The following TEX14 variants were observed in gnomAD, a reference collection of about 807,000 sequenced individuals.
TEX14 encodes testis expressed 14, intercellular bridge forming factor, also known as inactive serine/threonine-protein kinase TEX14.
In TEX14, 168 loss-of-function variants were observed where a neutral mutation model predicts 178.6. That is an observed-to-expected ratio of 0.94 (90% CI 0.83 to 1.07). The LOEUF (loss-of-function observed/expected upper bound fraction) is 1.07, where lower values mean the gene tolerates loss of function less well. TEX14 is among the 50% of genes least tolerant of loss of function. The pLI is 0.00. For missense variants in TEX14, 1,730 were observed against 1,753.6 expected (o/e 0.99, Z 0.24); for synonymous variants, 626 against 634.1 (o/e 0.99, Z 0.19).
At chr17:58,576,427 T>G (rs151022592) in intron 21 of TEX14, among the ~76,000 whole-genome samples, 5 of 151,354 alleles carry the variant, frequency 3.3e-5, no homozygotes, top group African/African-American at 1.2e-4. Flanking sequence ...GAGGTTGCAG[T>G]GAGCTGAGAT....
chr17:58,586,438 T>C (rs1338094142), intron 17 of TEX14, among the ~76,000 whole-genome samples: 1 of 152,222 alleles, frequency 6.6e-6, no homozygotes, highest in Non-Finnish European at 1.5e-5. Context: ...TCTATTTGAG[T>C]TTGTCTAGTC....
Position 58,565,802 on chromosome 17 carries a change from G to A in TEX14, c.3909C>T (p.Gly1303=). ...DDIELLKQQQ[G]SSTVLHENTA... ...TGTTCTCATGCAACACCGTGGATGA[G>A]CCCTGCTGCTGTTTCAAGAGCTCTG... Residue 1303 remains glycine (G), a synonymous_variant, in exon 27 of 32, where the codon GGC becomes GGT. Coordinates refer to ENST00000349033, the MANE Select transcript of TEX14 (RefSeq NM_031272.5). 11 of 1,608,272 alleles carry A rather than the reference G, an allele frequency of 6.8e-6. No individual in the cohort carries two copies. The highest frequency in any genetic ancestry group is 8.5e-6 in the Non-Finnish European group (10 of 1,177,640).
chr17:58,678,732 G>A (rs1196320686), intron 1 of TEX14, among the ~76,000 whole-genome samples: 1 of 151,604 alleles, frequency 6.6e-6, no homozygotes, highest in African/African-American at 2.4e-5. Flanking sequence ...TAAATGACGA[G>A]TTAATGGGTG....
chr17:58,659,628 T>C (rs2047065520), intron 1 of TEX14, among the ~76,000 whole-genome samples: 1 of 152,196 alleles, frequency 6.6e-6, no homozygotes, highest in South Asian at 2.1e-4. Flanking sequence ...AGAAATCGCA[T>C]TGTGTGATAA....
chr17:58,680,021 G>A (rs776296908), intron 1 of TEX14, among the ~76,000 whole-genome samples: 4 of 152,046 alleles, frequency 2.6e-5, no homozygotes, highest in Admixed American at 6.6e-5. Flanking sequence ...GGTAAATAAC[G>A]TAAACTAGCT....
At chr17:58,689,870 G>T in intron 1 of TEX14, among the ~76,000 whole-genome samples, 1 of 146,020 alleles carries the variant, frequency 6.8e-6, no homozygotes. Context: ...TTTTTTCTGA[G>T]ATGGAGTCTC....
intron 1 of TEX14, among the ~76,000 whole-genome samples, chr17:58,684,361 C>A (rs1435143856): frequency 6.6e-6 from 1 of 151,570 alleles, no homozygotes; most frequent in Non-Finnish European, 1.5e-5. Flanking sequence ...ATCTGGGAGG[C>A]TGATACAGGA....
intron 1 of TEX14, among the ~76,000 whole-genome samples, chr17:58,669,552 G>A (rs1037418416): frequency 1.3e-5 from 2 of 151,534 alleles, no homozygotes; most frequent in African/African-American, 4.9e-5. Flanking sequence ...TGACCAAAAT[G>A]GTGAAACCCC....
At chr17:58,673,318 T>A (rs1186868173) in intron 1 of TEX14, among the ~76,000 whole-genome samples, 4 of 149,776 alleles carry the variant, frequency 2.7e-5, no homozygotes, top group African/African-American at 7.4e-5. Context: ...AAAAAAAAAA[T>A]AACAAATATA....
intron 1 of TEX14, chr17:58,660,403 A>G: frequency 2.6e-6 from 1 of 379,426 alleles, no homozygotes; most frequent in Non-Finnish European, 4.7e-6. Context: ...CTCCATCTCA[A>G]AAAAATAAAT....
chr17:58,595,072 C>T (rs7213415), intron 14 of TEX14, among the ~76,000 whole-genome samples: 5 of 151,958 alleles, frequency 3.3e-5, no homozygotes, highest in Non-Finnish European at 7.4e-5. Context: ...TGATGCTTCA[C>T]CATAACAGGT....
intron 2 of TEX14, among the ~76,000 whole-genome samples, chr17:58,633,151 GTTCTCCCTGACAGGGA>G (rs913665073): frequency 3.3e-5 from 5 of 152,252 alleles, no homozygotes; most frequent in Admixed American, 1.3e-4. Context: ...TGGACAGGCT[GTTCTCCCTGACAGGGA>G]TTCTCCTCTC....
chr17:58,679,014 C>A (rs1451942333), intron 1 of TEX14, among the ~76,000 whole-genome samples: 1 of 151,710 alleles, frequency 6.6e-6, no homozygotes, highest in Non-Finnish European at 1.5e-5. Context: ...ATTAGCAAGG[C>A]GTGGTGGCGT....
At chr17:58,666,391 GAGCGCATGA>G (rs2047205818) in intron 1 of TEX14, 1 of 141,844 alleles carries the variant, frequency 7.1e-6, no homozygotes, top group African/African-American at 2.6e-5. Flanking sequence ...AAAGAAGGCT[GAGCGCATGA>G]ATTCGGATGC....
At chr17:58,683,491 G>A (rs1352394202) in intron 1 of TEX14, among the ~76,000 whole-genome samples, 4 of 151,988 alleles carry the variant, frequency 2.6e-5, no homozygotes, top group Middle Eastern at 3.4e-3. Context: ...GGCCAGGTGC[G>A]GTGGTTTACG....
intron 20 of TEX14, among the ~76,000 whole-genome samples, chr17:58,577,890 G>A (rs531285660): frequency 6.6e-6 from 1 of 152,092 alleles, no homozygotes; most frequent in Non-Finnish European, 1.5e-5. Context: ...CACTAGGTGT[G>A]GGCGTGGGCG....
intron 2 of TEX14, among the ~76,000 whole-genome samples, chr17:58,639,533 T>C (rs2046523845): frequency 6.6e-6 from 1 of 151,876 alleles, no homozygotes; most frequent in Non-Finnish European, 1.5e-5. Flanking sequence ...AAACCACGTC[T>C]CTACTAAAAA....
intron 1 of TEX14, among the ~76,000 whole-genome samples, chr17:58,656,640 G>A (rs887983573): frequency 5.9e-5 from 9 of 151,564 alleles, no homozygotes; most frequent in African/African-American, 2.2e-4. Flanking sequence ...TGTAATCCCA[G>A]CTACTCAGGA....
intron 28 of TEX14, among the ~76,000 whole-genome samples, chr17:58,563,666 G>T (rs1020398243): frequency 0.021 from 415 of 19,678 alleles, no homozygotes; most frequent in African/African-American, 0.047. Context: ...TATAGAGAGA[G>T]AGAGAGAGAG....
Sources: allele counts gnomAD v4.1 joint callset (sites outside exome capture counted in the v4.1 genomes callset), GRCh38; gene constraint gnomAD v4.1.1; transcripts MANE v1.5; gene names NCBI Gene and HGNC (gene_info 2026-07-23, HGNC 2026-07-21).